Variants in CHN2 observed in about 807,000 individuals in gnomAD.
CHN2 encodes the protein chimerin 2.
In CHN2, 35 loss-of-function variants were observed where a neutral mutation model predicts 56.3. That is an observed-to-expected ratio of 0.62 (90% CI 0.47 to 0.82). The LOEUF is 0.82. Among genes scored for constraint, CHN2 ranks in the 40% least tolerant of loss-of-function variants. CHN2 has a pLI of 0.00. For synonymous variants in CHN2, 210 were observed against 212.8 expected, an observed-to-expected ratio of 0.99 and a Z score of 0.12; for missense variants, 491 against 580.5, an observed-to-expected ratio of 0.85 and a Z score of 1.58.
intron 1 of CHN2, among the ~76,000 whole-genome samples, chr7:29,303,164 C>T (rs3828987): frequency 0.26 from 40,292 of 152,116 alleles, 5,862 homozygotes; most frequent in Non-Finnish European, 0.32. Context: ...TAGTCATTGC[C>T]GTGCTGGCCC....
chr7:29,488,626 A>G (rs1788304697), intron 7 of CHN2, among the ~76,000 whole-genome samples: 1 of 152,204 alleles, frequency 6.6e-6, no homozygotes, highest in African/African-American at 2.4e-5. Context: ...TAAAATGACA[A>G]ATTGAGGCAA....
chr7:29,331,913 G>A (rs1225749833), intron 1 of CHN2, among the ~76,000 whole-genome samples: 2 of 151,820 alleles, frequency 1.3e-5, no homozygotes, highest in East Asian at 3.9e-4. Context: ...TCAGGAGGCT[G>A]AGGCAGGAGA....
intron 7 of CHN2, among the ~76,000 whole-genome samples, chr7:29,495,323 G>GT (rs1334884329): frequency 1.3e-5 from 2 of 152,128 alleles, no homozygotes; most frequent in East Asian, 3.9e-4. Flanking sequence ...CAGCACTTTG[G>GT]TCAACCAGGA....
At chr7:29,172,210 A>G (rs1796695492) in intron 2 of CHN2, among the ~76,000 whole-genome samples, 1 of 152,180 alleles carries the variant, frequency 6.6e-6, no homozygotes, top group South Asian at 2.1e-4. Context: ...ACTGTAAATC[A>G]TTAAAACAGC....
intron 1 of CHN2, among the ~76,000 whole-genome samples, chr7:29,210,207 T>C (rs1425765422): frequency 6.6e-6 from 1 of 152,154 alleles, no homozygotes; most frequent in East Asian, 1.9e-4. Flanking sequence ...CATATACACA[T>C]ATTTCAAATA....
At chr7:29,440,548 A>G (rs1783560908) in intron 6 of CHN2, among the ~76,000 whole-genome samples, 1 of 151,926 alleles carries the variant, frequency 6.6e-6, no homozygotes, top group Non-Finnish European at 1.5e-5. Flanking sequence ...AAAATTAGCC[A>G]AGCGTGGTGG....
chr7:29,476,594 G>A (rs4722913), intron 6 of CHN2, among the ~76,000 whole-genome samples: 83,199 of 151,130 alleles, frequency 0.55, 23,260 homozygotes, highest in Non-Finnish European at 0.61. Context: ...TATGCAAAGC[G>A]CTGAGTATAA....
intron 1 of CHN2, among the ~76,000 whole-genome samples, chr7:29,302,467 G>A (rs1453488347): frequency 6.6e-6 from 1 of 150,472 alleles, no homozygotes; most frequent in African/African-American, 2.5e-5. Flanking sequence ...AGGAGTACAG[G>A]CATGTGCCAT....
intron 3 of CHN2, among the ~76,000 whole-genome samples, chr7:29,380,139 T>C (rs1184660764): frequency 2.6e-5 from 4 of 152,162 alleles, no homozygotes; most frequent in Non-Finnish European, 5.9e-5. Context: ...AGCTTCCTTG[T>C]CTATAAGAAG....
At chr7:29,384,073 T>C (rs955700586) in intron 3 of CHN2, among the ~76,000 whole-genome samples, 1 of 151,994 alleles carries the variant, frequency 6.6e-6, no homozygotes, top group Non-Finnish European at 1.5e-5. Context: ...GGGCATTGAG[T>C]GGGTGATACG....
intron 1 of CHN2, among the ~76,000 whole-genome samples, chr7:29,245,353 G>C (rs1787988042): frequency 6.6e-6 from 1 of 152,118 alleles, no homozygotes; most frequent in Non-Finnish European, 1.5e-5. Context: ...ACAGAAACCA[G>C]GGAACAATGA....
chr7:29,510,844 C>CCA (rs756511709), intron 12 of CHN2, among the ~76,000 whole-genome samples: 4 of 152,112 alleles, frequency 2.6e-5, no homozygotes, highest in African/African-American at 7.2e-5. Context: ...AGAGTACCTG[C>CCA]CACACACACA....
intron 1 of CHN2, among the ~76,000 whole-genome samples, chr7:29,248,480 T>G (rs148210180): frequency 6.6e-6 from 1 of 152,366 alleles, no homozygotes; most frequent in Non-Finnish European, 1.5e-5. Context: ...CGGATGGCCA[T>G]GATCAACCTG....
chr7:29,502,160 G>T (rs1021865257), intron 9 of CHN2, among the ~76,000 whole-genome samples: 1 of 152,118 alleles, frequency 6.6e-6, no homozygotes, highest in Admixed American at 6.5e-5. Context: ...GTACATCTCA[G>T]TGCTGTCACA....
chr7:29,232,948 T>C (rs1786839357), intron 1 of CHN2, among the ~76,000 whole-genome samples: 1 of 152,248 alleles, frequency 6.6e-6, no homozygotes, highest in Non-Finnish European at 1.5e-5. Flanking sequence ...AACATCCTTG[T>C]TATGACTTAA....
At chr7:29,271,472 G>A (rs1360150506) in intron 1 of CHN2, among the ~76,000 whole-genome samples, 1 of 152,194 alleles carries the variant, frequency 6.6e-6, no homozygotes, top group Non-Finnish European at 1.5e-5. Context: ...TCTGGGCTGG[G>A]TGTCTGTTTG....
At chr7:29,275,123 C>T (rs1315625296) in intron 1 of CHN2, among the ~76,000 whole-genome samples, 2 of 152,178 alleles carry the variant, frequency 1.3e-5, no homozygotes, top group Non-Finnish European at 2.9e-5. Flanking sequence ...TCTCAGTTTC[C>T]TCACCTGTAA....
At chr7:29,348,423 A>G (rs891181627) in intron 1 of CHN2, among the ~76,000 whole-genome samples, 6 of 152,042 alleles carry the variant, frequency 3.9e-5, no homozygotes, top group African/African-American at 1.4e-4. Context: ...TTTATGGATT[A>G]TTTCAACGGT....
At chr7:29,486,680 A>G (rs1304124962) in intron 7 of CHN2, among the ~76,000 whole-genome samples, 1 of 152,040 alleles carries the variant, frequency 6.6e-6, no homozygotes, top group Non-Finnish European at 1.5e-5. Context: ...CTGAGGATGC[A>G]CCAGGAGCAC....
Sources: gnomAD v4.1 joint callset for allele counts (sites outside exome capture counted in the v4.1 genomes callset) on GRCh38, gnomAD v4.1.1 for gene constraint, MANE v1.5 for transcripts, NCBI Gene and HGNC (gene_info 2026-07-23, HGNC 2026-07-21) for gene names.